NUF2: variants seen among roughly 807,000 people sequenced by gnomAD.
NUF2 encodes the protein NUF2 component of NDC80 kinetochore complex.
A neutral mutation model predicts 61.8 loss-of-function variants in NUF2; 34 were observed. The ratio of observed to expected loss-of-function variants is 0.55; its 90% CI spans 0.42 to 0.73. The LOEUF is 0.73. Among genes scored for constraint, NUF2 ranks in the 30% least tolerant of loss-of-function variants. The probability of loss-of-function intolerance (pLI) is 0.00; values close to 1 mark genes in which losing one functional copy is unlikely to be tolerated. For missense variants in NUF2, 445 were observed against 539.1 expected, an observed-to-expected ratio of 0.83 and a Z score of 1.73; for synonymous variants, 172 against 181.6, an observed-to-expected ratio of 0.95 and a Z score of 0.42.
At chr1:163,342,666 A>G (rs1650985006) in intron 9 of NUF2, among the ~76,000 whole-genome samples, 3 of 151,308 alleles carry the variant, frequency 2.0e-5, no homozygotes, top group Admixed American at 2.0e-4. Flanking sequence ...CCACACATAC[A>G]TATATATATA....
chr1:163,336,769 G>T lies in NUF2; in HGVS notation c.356G>T (p.Arg119Leu), dbSNP rs781627921. The T allele has an allele frequency of 6.2e-7, 1 of 1,610,762 alleles. No homozygotes were observed. ...ATTTTAGAAGCAAAACGGACAAGTC[G>T]GTTTTTAAGTGGCATTATCAACTTT... ...ILCPKAKRTS[R>L]FLSGIINFIH... is the part of the protein sequence containing the mutation. The change falls in exon 6 of 14, where the codon CGG becomes CTG. Residue 119 changes from arginine (R) to leucine (L), a missense_variant. Physicochemically the swap from Arg to Leu is moderately radical, Grantham distance 102. Transcript: ENST00000271452.
intron 5 of NUF2, among the ~76,000 whole-genome samples, chr1:163,336,123 G>T (rs547458155): frequency 6.6e-6 from 1 of 152,000 alleles, no homozygotes; most frequent in African/African-American, 2.4e-5. Flanking sequence ...CTTTTTCTTG[G>T]CATGTCTGGT....
chr1:163,339,304 G>C (rs1557951535), intron 7 of NUF2, 77 bp from the exon 8 acceptor site: 4 of 811,872 alleles, frequency 4.9e-6, no homozygotes, highest in Non-Finnish European at 6.2e-6. Flanking sequence ...CTTCATCTCA[G>C]TTATTTGAGG....
rs779337644 is a variant in NUF2, at chr1:163,347,659, T to C, written c.949-104T>C. On this transcript the variant is annotated intron_variant, in intron 11 of 13. Coordinates refer to ENST00000271452, the MANE Select transcript of NUF2 (RefSeq NM_145697.3). ...AGGTTTTAAAGAGTTTTGTCTCTTT[T>C]TAAATTTGTGTTTAATTATAGTTCA... 2.6e-4 allele frequency: 220 copies of C among 862,510 alleles called. 1 individual carries two copies. The highest frequency in any genetic ancestry group is 3.6e-4 in the Non-Finnish European group (215 of 591,420). 53.4% of individuals were successfully genotyped at this position (862,510 alleles called of 1,614,324 possible).
At chr1:163,325,085 T>C (rs1236270116) in intron 1 of NUF2, among the ~76,000 whole-genome samples, 2 of 151,972 alleles carry the variant, frequency 1.3e-5, no homozygotes, top group African/African-American at 4.8e-5. Context: ...TTTGTAGAGA[T>C]AGGGTTTCAT....
chr1:163,347,835 T>C lies in NUF2; in HGVS notation c.1021T>C (p.Phe341Leu), dbSNP rs374182596. The C allele has an allele frequency of 2.5e-6, 4 of 1,612,094 alleles. No individual in the cohort carries two copies. In the African/African-American group the frequency reaches 5.3e-5, roughly 22 times the overall value. ...LKKLKTEENS[F>L]KRLMIVKKEK... is the part of the protein sequence containing the mutation. ...GAAATTGAAGACTGAAGAAAATTCG[T>C]TCAAAAGACTGATGATTGTGAAGAA... The change falls in exon 12 of 14, where the codon TTC becomes CTC. Residue 341 changes from phenylalanine to leucine, a missense_variant. Phe to Leu is a conservative substitution (Grantham distance 22, BLOSUM62 0). Transcript: ENST00000271452.
chr1:163,346,115 AC>A, intron 11 of NUF2: 1 of 175,366 alleles, frequency 5.7e-6, no homozygotes, highest in African/African-American at 2.4e-5. Context: ...TCATTTCAGG[AC>A]CTCCAGGGGA....
In NUF2 at chr1:163,328,839, C is replaced by T. The variant is rs1360433093; in HGVS notation, c.276-7C>T. ...TTTCAATAGTCTTTTTGTACTTCAT[C>T]TTCAAGGGACTCATTTTTGCCTATC... On this transcript the variant is annotated splice_polypyrimidine_tract_variant and splice_region_variant and intron_variant, in intron 4 of 13. Transcript: ENST00000271452. The T allele has an allele frequency of 3.8e-6, 6 of 1,583,962 alleles. No homozygotes were observed. The highest frequency in any genetic ancestry group is 2.2e-5 in the East Asian group (1 of 44,640).
intron 5 of NUF2, among the ~76,000 whole-genome samples, chr1:163,334,181 G>GT (rs1189863619): frequency 6.6e-6 from 1 of 152,084 alleles, no homozygotes; most frequent in African/African-American, 2.4e-5. Flanking sequence ...GTGTTCTCTG[G>GT]TATATGCATA....
intron 9 of NUF2, among the ~76,000 whole-genome samples, chr1:163,341,918 C>T (rs1650959900): frequency 6.6e-6 from 1 of 152,176 alleles, no homozygotes; most frequent in Non-Finnish European, 1.5e-5. Flanking sequence ...GTGTGAGCCA[C>T]CGCACCCGGC....
chr1:163,337,985 G>C (rs777394557), intron 6 of NUF2, 35 bp from the exon 7 acceptor site: 24 of 1,489,192 alleles, frequency 1.6e-5, no homozygotes, highest in Non-Finnish European at 2.0e-5. Context: ...GTGTTGAAAT[G>C]CACTAATATG....
At chr1:163,339,189 G>C in intron 7 of NUF2, 192 bp from the exon 8 acceptor site, 1 of 529,658 alleles carries the variant, frequency 1.9e-6, no homozygotes, top group Non-Finnish European at 3.3e-6. Flanking sequence ...AACTGAAGGA[G>C]CTCATGTGAT....
rs115400486 is a variant in NUF2 at position 163,349,911 on chromosome 1, T to G, written c.1260+831T>G. Among the ~76,000 whole-genome samples, 1,380 of 146,130 alleles carry G rather than the reference T, an allele frequency of 9.4e-3. 22 individuals are homozygous for G. The highest frequency in any genetic ancestry group is 0.033 in the African/African-American group (1,316 of 39,530). ...CTGGCCTGCTCTTTTCTGTTTTTTG[T>G]TTTTTTTTTTCTATACCTCAACTAC... On this transcript the variant is annotated intron_variant, in intron 13 of 13. Coordinates refer to ENST00000271452, the MANE Select transcript of NUF2 (RefSeq NM_145697.3).
intron 10 of NUF2, 25 bp downstream of exon 10, chr1:163,343,895 C>T: frequency 1.5e-6 from 2 of 1,342,316 alleles, no homozygotes; most frequent in South Asian, 1.9e-5. Context: ...TATTTTAATG[C>T]TTTTGTATCT....
rs140974289 is a variant in NUF2, at chr1:163,342,627, T to C, written c.670-1106T>C. Among the ~76,000 whole-genome samples, 492 of 152,246 alleles carry C rather than the reference T, an allele frequency of 3.2e-3. 2 individuals are homozygous for C. The highest frequency in any genetic ancestry group is 0.011 in the African/African-American group (477 of 41,548). On this transcript the variant is annotated intron_variant, in intron 9 of 13. Transcript: ENST00000271452. ...ACAACACAGTAATACATTCCTGTTA[T>C]GAAATATTCTCTCTTTACATACACA...
At position 163,345,669 on chromosome 1, in the gene NUF2, C is replaced by T. The variant is rs1354888897; in HGVS notation, c.808-9C>T. The stretch of plus-strand genomic sequence containing the variant: ...TCAAACTGTGGTCTCTGTTTTTTGT[C>T]TTTCAAAGCAAGAAGTGGTGGAGAA... On this transcript the variant is annotated splice_polypyrimidine_tract_variant and intron_variant, in intron 10 of 13. Coordinates refer to ENST00000271452, the MANE Select transcript of NUF2 (RefSeq NM_145697.3). The T allele has an allele frequency of 6.3e-7, 1 of 1,598,544 alleles. No individual in the cohort carries two copies. The highest frequency in any genetic ancestry group is 1.8e-5 in the Admixed American group (1 of 55,658).
chr1:163,343,108 C>T (rs921868057), intron 9 of NUF2, among the ~76,000 whole-genome samples: 4 of 152,090 alleles, frequency 2.6e-5, no homozygotes, highest in South Asian at 2.1e-4. Context: ...CAAATAGTTA[C>T]ATTCATTTTT....
chr1:163,329,246 A>T (rs188534913), intron 5 of NUF2, among the ~76,000 whole-genome samples: 59 of 152,264 alleles, frequency 3.9e-4, no homozygotes, highest in African/African-American at 1.4e-3. Flanking sequence ...AAGAATTACT[A>T]TTTACCATAT....
chr1:163,322,271 C>T (rs550264594), intron 1 of NUF2, 59 bp downstream of exon 1: 18 of 152,408 alleles, frequency 1.2e-4, no homozygotes, highest in African/African-American at 3.4e-4. Context: ...ACAACCAGAG[C>T]TCAGTTCCTA....
Sources: allele counts gnomAD v4.1 joint callset (sites outside exome capture counted in the v4.1 genomes callset), GRCh38; gene constraint gnomAD v4.1.1; transcripts MANE v1.5; gene names NCBI Gene and HGNC (gene_info 2026-07-23, HGNC 2026-07-21).